The following NME7 variants were observed in gnomAD, a reference collection of about 807,000 sequenced individuals.
The protein encoded by NME7 is NME/NM23 family member 7, also known as nucleoside diphosphate kinase 7.
A neutral mutation model predicts 49.1 loss-of-function variants in NME7; 41 were observed. That is an observed-to-expected ratio of 0.83 (90% CI 0.65 to 1.08). The LOEUF (loss-of-function observed/expected upper bound fraction) is 1.08, where lower values mean the gene tolerates loss of function less well. NME7 is among the 50% of genes least tolerant of loss of function. NME7 has a pLI of 0.00. For synonymous variants in NME7, 139 were observed against 150.6 expected (o/e 0.92, Z 0.56); for missense variants, 423 against 463.4 (o/e 0.91, Z 0.80).
chr1:169,332,315 A>C (rs1571396254), intron 1 of NME7, among the ~76,000 whole-genome samples: 1 of 152,174 alleles, frequency 6.6e-6, no homozygotes, highest in Non-Finnish European at 1.5e-5. Flanking sequence ...ATACAAAAAT[A>C]AAATAAAAAT....
At chr1:169,235,106 G>A in intron 9 of NME7, 25 bp downstream of exon 9, 2 of 1,340,652 alleles carry the variant, frequency 1.5e-6, no homozygotes, top group Non-Finnish European at 2.1e-6. Flanking sequence ...CAGTACAAAT[G>A]TTTTACATTT....
At position 169,274,278 on chromosome 1, in the gene NME7, C is replaced by A; in HGVS notation, c.754+13025G>T. 1.5e-5 allele frequency among the ~76,000 whole-genome samples: 2 copies of A among 133,302 alleles called. 1 individual carries two copies. The highest frequency in any genetic ancestry group is 3.5e-5 in the Non-Finnish European group (2 of 56,858). 87.5% of individuals were successfully genotyped at this position (133,302 alleles called of 152,430 possible). On this transcript the variant is annotated intron_variant, in intron 7 of 11. Transcript: ENST00000367811. ...ATAAATGTCTTCTTTTGAGAAGTGT[C>A]TGTTCATATTCTTTGTCCACTTTTT...
intron 3 of NME7, 31 bp from the exon 4 acceptor site, chr1:169,310,111 TA>T (rs1225387570): frequency 7.6e-7 from 1 of 1,310,440 alleles, no homozygotes; most frequent in Non-Finnish European, 1.1e-6. Flanking sequence ...AGTTTGCAAA[TA>T]AAAATAGTTC....
At chr1:169,317,786 G>A (rs1244395003) in intron 3 of NME7, among the ~76,000 whole-genome samples, 1 of 152,042 alleles carries the variant, frequency 6.6e-6, no homozygotes, top group Non-Finnish European at 1.5e-5. Context: ...AAACAACTAG[G>A]AATGTGTACT....
intron 7 of NME7, among the ~76,000 whole-genome samples, chr1:169,244,360 C>T (rs927316219): frequency 4.6e-5 from 7 of 152,020 alleles, no homozygotes; most frequent in Non-Finnish European, 1.0e-4. Context: ...TGGCCAGGTG[C>T]GGTGGCTCAC....
At chr1:169,233,231 T>C (rs908494601) in intron 9 of NME7, among the ~76,000 whole-genome samples, 1 of 152,174 alleles carries the variant, frequency 6.6e-6, no homozygotes, top group Admixed American at 6.5e-5. Flanking sequence ...TGTTTTAAGA[T>C]TCTTAGCTCT....
In NME7 at chr1:169,244,161, A is replaced by G. The variant is rs2101836589; in HGVS notation, c.755-6474T>C. On this transcript the variant is annotated intron_variant, in intron 7 of 11. Coordinates refer to ENST00000367811, the MANE Select transcript of NME7 (RefSeq NM_013330.5). ...GATGGTTATAGAATGTATATGTAGT[A>G]AATTCTGAATTGTTCAGAGGATCAT... Among the ~76,000 whole-genome samples, 2 of 152,286 alleles carry G rather than the reference A, an allele frequency of 1.3e-5. 1 individual carries two copies. The highest frequency in any genetic ancestry group is 3.9e-4 in the East Asian group (2 of 5,190).
intron 7 of NME7, among the ~76,000 whole-genome samples, chr1:169,273,358 C>A (rs1649563016): frequency 7.6e-6 from 1 of 132,182 alleles, no homozygotes; most frequent in African/African-American, 2.6e-5. Flanking sequence ...CAGTTTCCAG[C>A]TTCATCCATG....
intron 11 of NME7, among the ~76,000 whole-genome samples, chr1:169,154,360 A>G (rs1190844764): frequency 6.6e-6 from 1 of 152,208 alleles, no homozygotes; most frequent in Admixed American, 6.5e-5. Context: ...CTGCGGATTC[A>G]TATCAATGAA....
chr1:169,180,068 G>T (rs1191939238), intron 10 of NME7, among the ~76,000 whole-genome samples: 2 of 151,848 alleles, frequency 1.3e-5, no homozygotes, highest in African/African-American at 2.4e-5. Flanking sequence ...ATAACATAGA[G>T]ATTTTATAAA....
chr1:169,203,713 T>C (rs891043939), intron 10 of NME7, among the ~76,000 whole-genome samples: 12 of 152,132 alleles, frequency 7.9e-5, no homozygotes, highest in African/African-American at 2.9e-4. Flanking sequence ...ATGGTTTATA[T>C]GGTTGATATC....
chr1:169,140,010 G>A (rs561662022), intron 11 of NME7, among the ~76,000 whole-genome samples: 6 of 152,228 alleles, frequency 3.9e-5, no homozygotes, highest in East Asian at 3.9e-4. Flanking sequence ...TTCTTGATTC[G>A]CAATCACTTT....
At chr1:169,337,063 T>C (rs913369356) in intron 1 of NME7, among the ~76,000 whole-genome samples, 4 of 152,202 alleles carry the variant, frequency 2.6e-5, no homozygotes, top group Admixed American at 2.0e-4. Context: ...CCAGTCCCAG[T>C]GCCGTGTGCC....
chr1:169,361,604 AC>A (rs1403894980), intron 1 of NME7, among the ~76,000 whole-genome samples: 1 of 152,052 alleles, frequency 6.6e-6, no homozygotes, highest in Non-Finnish European at 1.5e-5. Context: ...AAATGGCGAA[AC>A]CCCGTCTCTA....
chr1:169,166,510 T>C (rs961578421), intron 11 of NME7, among the ~76,000 whole-genome samples: 2 of 152,116 alleles, frequency 1.3e-5, no homozygotes, highest in African/African-American at 4.8e-5. Flanking sequence ...TGAAAAAAAG[T>C]GACTCTACTG....
chr1:169,325,148 T>A (rs771517473), intron 1 of NME7, among the ~76,000 whole-genome samples: 2 of 152,070 alleles, frequency 1.3e-5, no homozygotes, highest in Non-Finnish European at 1.5e-5. Context: ...GAAAAGCCGA[T>A]AAAAACAATA....
intron 7 of NME7, among the ~76,000 whole-genome samples, chr1:169,275,996 T>C (rs1649704663): frequency 7.5e-6 from 1 of 133,892 alleles, no homozygotes; most frequent in Non-Finnish European, 1.8e-5. Context: ...ATTTATTGAT[T>C]TGCGTATATT....
chr1:169,140,205 AG>A (rs1467868962), intron 11 of NME7, among the ~76,000 whole-genome samples: 1 of 152,192 alleles, frequency 6.6e-6, no homozygotes, highest in African/African-American at 2.4e-5. Flanking sequence ...ATATAGGTAA[AG>A]GGCTTGTGGA....
rs114319007 is a variant in NME7, at chr1:169,304,333, T to C, written c.390-1138A>G. On this transcript the variant is annotated intron_variant, in intron 4 of 11. Transcript: ENST00000367811. Reference sequence around the variant, plus strand: ...ACAAATATATGTAAACATTAACTACTTTTAAAACTGGAAACTGTTCCCTAG... The same window carrying C: ...ACAAATATATGTAAACATTAACTACCTTTAAAACTGGAAACTGTTCCCTAG... Among the ~76,000 whole-genome samples, 303 of 152,332 alleles carry C rather than the reference T, an allele frequency of 2.0e-3. 4 individuals are homozygous for C. Among genetic ancestry groups the C allele is most frequent in the African/African-American group, 7.1e-3 (294 of 41,580 alleles).
Sources: allele counts gnomAD v4.1 joint callset (sites outside exome capture counted in the v4.1 genomes callset), GRCh38; gene constraint gnomAD v4.1.1; transcripts MANE v1.5; gene names NCBI Gene and HGNC (gene_info 2026-07-23, HGNC 2026-07-21).